NXN: variants seen among roughly 807,000 people sequenced by gnomAD.
NXN encodes the protein nucleoredoxin 1.
In NXN, 16 loss-of-function variants were observed where a neutral mutation model predicts 48.6. The ratio of observed to expected loss-of-function variants is 0.33; its 90% CI spans 0.22 to 0.50. The LOEUF is 0.50. Ranked by LOEUF, NXN falls within the 20% of genes least tolerant of loss-of-function variation. The pLI is 0.98. For missense variants in NXN, 492 were observed against 605.5 expected (o/e 0.81, Z 1.97); for synonymous variants, 281 against 269.6 (o/e 1.04, Z -0.41).
chr17:932,315 C>A lies in NXN; in HGVS notation c.360+47004G>T, dbSNP rs527976466. Among the ~76,000 whole-genome samples the A allele has an allele frequency of 2.0e-5, 3 of 152,278 alleles. No individual in the cohort carries two copies. In the South Asian group the frequency reaches 6.2e-4, roughly 32 times the overall value. On this transcript the variant is annotated intron_variant, in intron 1 of 7. Transcript: ENST00000336868. This position sits in a 1 kb window ranked among gnomAD's most constrained non-coding sequence, Gnocchi z 4.1. Reference sequence around the variant, plus strand: ...TCTTAAACTCTGGTCCCTGGACGTACGGCTTCCGGGTTGCCTGGGAACTGT... The same window carrying A: ...TCTTAAACTCTGGTCCCTGGACGTAAGGCTTCCGGGTTGCCTGGGAACTGT...
At chr17:812,857 T>C (rs1912209195) in intron 5 of NXN, among the ~76,000 whole-genome samples, 1 of 135,146 alleles carries the variant, frequency 7.4e-6, no homozygotes, top group African/African-American at 2.8e-5. Flanking sequence ...TGTGCATGTG[T>C]GTAGGTGTGT....
chr17:966,562 G>A (rs1190705286), intron 1 of NXN, among the ~76,000 whole-genome samples: 1 of 151,940 alleles, frequency 6.6e-6, no homozygotes, highest in African/African-American at 2.4e-5. Context: ...GGTCAGGCTG[G>A]TCTCAAACTC....
chr17:962,476 T>G (rs2069249295), intron 1 of NXN, among the ~76,000 whole-genome samples: 1 of 152,132 alleles, frequency 6.6e-6, no homozygotes, highest in South Asian at 2.1e-4. Context: ...GAGACCAGCC[T>G]GGACAACACG....
intron 1 of NXN, among the ~76,000 whole-genome samples, chr17:889,789 G>T (rs1164729030): frequency 6.6e-6 from 1 of 151,934 alleles, no homozygotes; most frequent in African/African-American, 2.4e-5. Context: ...AGAGAGAAAA[G>T]AAATGCAGAC....
chr17:971,637 A>G (rs902912670), intron 1 of NXN, among the ~76,000 whole-genome samples: 6 of 151,854 alleles, frequency 4.0e-5, no homozygotes, highest in Non-Finnish European at 7.4e-5. Context: ...GTGAACCGGG[A>G]AGGCGGAGCT....
At chr17:839,959 A>T (rs1161178651) in intron 1 of NXN, among the ~76,000 whole-genome samples, 1 of 151,484 alleles carries the variant, frequency 6.6e-6, no homozygotes, top group Non-Finnish European at 1.5e-5. Context: ...TAGCTGGGCA[A>T]GGAGACAGGT....
Position 879,121 on chromosome 17 carries a change from C to T in NXN, c.361-53043G>A, listed in dbSNP as rs149660564. On this transcript the variant is annotated intron_variant, in intron 1 of 7. Transcript: ENST00000336868. ...CAGAGGTTTTAGTGAGCCAAGATCG[C>T]GCCATTGCACTCCAGCCTGGGCAAC... Among the ~76,000 whole-genome samples the T allele has an allele frequency of 5.7e-3, 863 of 151,796 alleles. 11 individuals are homozygous for T. In the South Asian group the frequency reaches 0.057, roughly 10 times the overall value.
rs1442098307 is a variant in NXN at position 920,737 on chromosome 17, C to A, written c.360+58582G>T. Among the ~76,000 whole-genome samples, 2 of 145,864 alleles carry A rather than the reference C, an allele frequency of 1.4e-5. No homozygotes were observed. The highest frequency in any genetic ancestry group is 3.0e-5 in the Non-Finnish European group (2 of 66,134). The stretch of plus-strand genomic sequence containing the variant: ...TCAGGAAGCCTTTTTTTTTTTTTTC[C>A]TTTGAAACAGAGTCTCGCCCTGTTG... On this transcript the variant is annotated intron_variant, in intron 1 of 7. Coordinates refer to ENST00000336868, the MANE Select transcript of NXN (RefSeq NM_022463.5). This position sits in a 1 kb window ranked among gnomAD's most constrained non-coding sequence, Gnocchi z 4.6.
Position 805,120 on chromosome 17 carries a change from G to C in NXN, c.948C>G (p.Ser316=). 6.2e-7 allele frequency: 1 copy of C among 1,610,314 alleles called. No homozygotes were observed. The highest frequency in any genetic ancestry group is 8.5e-7 in the Non-Finnish European group (1 of 1,178,916). ...CGTTAAGCTGCGCGGCGTTGGAGTCGGAGAGCTCCAGCACGGGCTTGGGGT... is the reference window on the plus strand; with the variant it reads ...CGTTAAGCTGCGCGGCGTTGGAGTCCGAGAGCTCCAGCACGGGCTTGGGGT... ...PWHPKPVLEL[S]DSNAAQLNEG... The change falls in exon 6 of 8, where the codon TCC becomes TCG. Residue 316 remains serine, a synonymous_variant. Coordinates refer to ENST00000336868, the MANE Select transcript of NXN (RefSeq NM_022463.5).
chr17:813,078 G>A (rs955131565), intron 5 of NXN, among the ~76,000 whole-genome samples: 15 of 152,214 alleles, frequency 9.9e-5, no homozygotes, highest in African/African-American at 2.7e-4. Flanking sequence ...CCTGGAACAC[G>A]TCCACTGAAT....
At chr17:813,561 AG>A (rs1284564102) in intron 5 of NXN, among the ~76,000 whole-genome samples, 1 of 152,252 alleles carries the variant, frequency 6.6e-6, no homozygotes, top group Non-Finnish European at 1.5e-5. Flanking sequence ...CAAAACTAGG[AG>A]GATCTGGAAT....
intron 1 of NXN, chr17:905,368 A>C (rs1012589191): frequency 6.6e-6 from 1 of 152,076 alleles, no homozygotes; most frequent in Non-Finnish European, 1.5e-5. Flanking sequence ...CAGTGAGCTA[A>C]GAATGCACCA....
At chr17:906,177 C>G (rs533163240) in intron 1 of NXN, among the ~76,000 whole-genome samples, 3 of 152,244 alleles carry the variant, frequency 2.0e-5, no homozygotes, top group Non-Finnish European at 4.4e-5. Context: ...TCGATGTAGA[C>G]TTGCCTCATT....
intron 5 of NXN, among the ~76,000 whole-genome samples, chr17:808,559 T>A (rs1911719888): frequency 1.3e-5 from 2 of 151,958 alleles, no homozygotes; most frequent in African/African-American, 4.8e-5. Context: ...CCTCCCAAAG[T>A]GCTGAGATAA....
chr17:939,152 C>T (rs1247302066), intron 1 of NXN, among the ~76,000 whole-genome samples: 2 of 152,058 alleles, frequency 1.3e-5, no homozygotes, highest in Non-Finnish European at 2.9e-5. Flanking sequence ...AGGAATTTAT[C>T]CTTAGAGAAC....
chr17:843,016 GAA>G (rs1363457563), intron 1 of NXN, among the ~76,000 whole-genome samples: 147 of 113,238 alleles, frequency 1.3e-3, no homozygotes, highest in Non-Finnish European at 2.0e-3. Flanking sequence ...GAGAAAGAAA[GAA>G]AGAAAGAAAG....
chr17:807,019 C>T (rs1245172594), intron 5 of NXN, among the ~76,000 whole-genome samples: 4 of 152,286 alleles, frequency 2.6e-5, no homozygotes, highest in Admixed American at 1.3e-4. Flanking sequence ...GGACAGTGCC[C>T]GAGGAGCTGT....
At chr17:965,867 A>G (rs2069296292) in intron 1 of NXN, among the ~76,000 whole-genome samples, 2 of 152,184 alleles carry the variant, frequency 1.3e-5, no homozygotes, top group South Asian at 4.1e-4. Context: ...CTATAATCCC[A>G]GCACTTTGGG....
intron 1 of NXN, among the ~76,000 whole-genome samples, chr17:833,627 T>C (rs1241253152): frequency 1.4e-4 from 21 of 152,198 alleles, no homozygotes; most frequent in African/African-American, 4.6e-4. Context: ...AAAAGGCACA[T>C]ACAGCAAAAA....
Sources: gnomAD v4.1 joint callset for allele counts (sites outside exome capture counted in the v4.1 genomes callset) on GRCh38, gnomAD v4.1.1 for gene constraint, Gnocchi (gnomAD v3.1) non-coding constraint, MANE v1.5 for transcripts, NCBI Gene and HGNC (gene_info 2026-07-23, HGNC 2026-07-21) for gene names.